The following INSC variants were observed in gnomAD, a reference collection of about 807,000 sequenced individuals.
INSC encodes the protein INSC spindle orientation adaptor protein, also known as protein inscuteable homolog.
INSC carries 67 observed loss-of-function variants against 58.6 expected under a neutral mutation model. The observed-to-expected ratio is 1.14, with a 90% confidence interval of 0.94 to 1.40. The LOEUF (loss-of-function observed/expected upper bound fraction) is 1.40, where lower values mean the gene tolerates loss of function less well. Among genes scored for constraint, INSC ranks in the 40% most tolerant of loss-of-function variants. INSC has a pLI of 0.00. For missense variants in INSC, 714 were observed against 692.0 expected, an observed-to-expected ratio of 1.03 and a Z score of -0.36; for synonymous variants, 262 against 276.1, an observed-to-expected ratio of 0.95 and a Z score of 0.51.
chr11:15,187,830 G>C (rs536328665), intron 5 of INSC, among the ~76,000 whole-genome samples: 1 of 151,934 alleles, frequency 6.6e-6, no homozygotes, highest in Non-Finnish European at 1.5e-5. Flanking sequence ...TATTGAGTGA[G>C]GCATATTTTT....
At chr11:15,254,922 G>A in the INSC span, among the ~76,000 whole-genome samples, 7 of 152,178 alleles carry the variant, frequency 4.6e-5, no homozygotes, top group East Asian at 3.8e-4. Context: ...GAAATAACAC[G>A]TACTATTACC....
chr11:15,158,015 C>T (rs1183242459), intron 2 of INSC, among the ~76,000 whole-genome samples: 2 of 152,108 alleles, frequency 1.3e-5, no homozygotes, highest in Non-Finnish European at 1.5e-5. Flanking sequence ...GAGTCAACTT[C>T]GATTCTTTCC....
rs747732563 is a variant in INSC at position 15,238,914 on chromosome 11, C to A, written c.1238-5C>A. The A allele has an allele frequency of 3.1e-6, 5 of 1,612,994 alleles. No individual in the cohort carries two copies. In the South Asian group the frequency reaches 5.5e-5, roughly 18 times the overall value. The stretch of plus-strand genomic sequence containing the variant: ...GGTACCAACTGTTCCTTGCTTCCTG[C>A]CTAGGGGTCCAGCTTATCATGGGCA... On this transcript the variant is annotated splice_region_variant and splice_polypyrimidine_tract_variant and intron_variant, in intron 10 of 12. Transcript: ENST00000379556.
chr11:15,199,793 G>C (rs1333328717), intron 6 of INSC, among the ~76,000 whole-genome samples: 1 of 152,154 alleles, frequency 6.6e-6, no homozygotes, highest in African/African-American at 2.4e-5. Context: ...TAGGCACCCT[G>C]CCAGCTTTCA....
At chr11:15,254,657 A>G in the INSC span, among the ~76,000 whole-genome samples, 37 of 151,448 alleles carry the variant, frequency 2.4e-4, no homozygotes, top group Admixed American at 8.5e-4. Flanking sequence ...TTAAAATAGC[A>G]CCTAATGGCA....
In INSC at chr11:15,202,111, G is replaced by C. The variant is rs765185874; in HGVS notation, c.819+1162G>C. Among the ~76,000 whole-genome samples the C allele has an allele frequency of 7.2e-5, 11 of 152,184 alleles. 1 individual carries two copies. The highest frequency in any genetic ancestry group is 1.6e-4 in the Non-Finnish European group (11 of 68,020). ...TTACAGATGACAAGGCTATGGGTCA[G>C]AATGGGGAAGTAATTTGCCTAAGGT... On this transcript the variant is annotated intron_variant, in intron 7 of 12. Transcript: ENST00000379556.
chr11:15,178,490 C>T (rs372912915), intron 5 of INSC, 43 bp downstream of exon 5: 51 of 1,587,068 alleles, frequency 3.2e-5, no homozygotes, highest in South Asian at 2.8e-4. Context: ...TTGTGTGGAC[C>T]CTTGGAGGAA....
At chr11:15,203,675 AG>A (rs964106676) in intron 7 of INSC, among the ~76,000 whole-genome samples, 8 of 152,216 alleles carry the variant, frequency 5.3e-5, no homozygotes, top group African/African-American at 1.9e-4. Flanking sequence ...GCACTGTTTT[AG>A]GTGCTGGGAG....
intron 7 of INSC, among the ~76,000 whole-genome samples, chr11:15,202,760 CA>C (rs1279699041): frequency 6.6e-6 from 1 of 152,192 alleles, no homozygotes; most frequent in Non-Finnish European, 1.5e-5. Flanking sequence ...AGGAAGTTTT[CA>C]ATTCAGGGAA....
intron 9 of INSC, among the ~76,000 whole-genome samples, chr11:15,234,555 GAC>G (rs1329400517): frequency 1.3e-5 from 2 of 152,132 alleles, no homozygotes; most frequent in African/African-American, 2.4e-5. Flanking sequence ...GCGGAGGGGG[GAC>G]ACAGTTTTTG....
At chr11:15,142,898 T>C (rs2133730944) in intron 1 of INSC, among the ~76,000 whole-genome samples, 1 of 152,288 alleles carries the variant, frequency 6.6e-6, no homozygotes, top group South Asian at 2.1e-4. Context: ...GCCATGTTGG[T>C]GTAGAGCGCT....
At chr11:15,259,467 TTC>T in the INSC span, among the ~76,000 whole-genome samples, 1 of 152,222 alleles carries the variant, frequency 6.6e-6, no homozygotes, top group Non-Finnish European at 1.5e-5. Context: ...AATAAAATGT[TTC>T]TCTTTTACTC....
At chr11:15,156,090 C>T (rs943108325) in intron 2 of INSC, among the ~76,000 whole-genome samples, 1 of 152,166 alleles carries the variant, frequency 6.6e-6, no homozygotes, top group Non-Finnish European at 1.5e-5. Context: ...AGGATATCTC[C>T]CCACTGTATC....
In INSC at chr11:15,177,097, T is replaced by G; in HGVS notation, c.403-14T>G. The G allele has an allele frequency of 6.2e-7, 1 of 1,612,670 alleles. No homozygotes were observed. Among genetic ancestry groups the G allele is most frequent in the Non-Finnish European group, 8.5e-7 (1 of 1,178,684 alleles). ...GCTTACTGAGTTGAATAAAATGGAC[T>G]TATTTTTCTACAGATTGAGAAGCTG... On this transcript the variant is annotated splice_polypyrimidine_tract_variant and intron_variant, in intron 3 of 12. Transcript: ENST00000379556.
In INSC at chr11:15,177,148, C is replaced by T. The variant is rs369169436; in HGVS notation, c.440C>T (p.Ser147Leu). ...CTAATGGAGAAATGCTCGGAGCTCT[C>T]GGCAGTCACAGAGAGGTAAATTTGG... ...KLLMEKCSEL[S>L]AVTERCLQVE... Residue 147 changes from serine to leucine, a missense_variant, in exon 4 of 13, where the codon TCG becomes TTG. Coordinates refer to ENST00000379556, the MANE Select transcript of INSC (RefSeq NM_001042536.3). The T allele has an allele frequency of 7.1e-5, 115 of 1,613,836 alleles. No homozygotes were observed. The highest frequency in any genetic ancestry group is 1.6e-4 in the Middle Eastern group (1 of 6,084).
chr11:15,175,556 G>T (rs1351278746), intron 2 of INSC, among the ~76,000 whole-genome samples, 185 bp from the exon 3 acceptor site: 2 of 152,176 alleles, frequency 1.3e-5, no homozygotes, highest in African/African-American at 2.4e-5. Context: ...AAAACTTTAT[G>T]CTTCAGACTT....
chr11:15,248,189 A>C (rs1043274739), downstream of INSC, among the ~76,000 whole-genome samples: 1 of 152,244 alleles, frequency 6.6e-6, no homozygotes, highest in Non-Finnish European at 1.5e-5. Context: ...GGCATGTACC[A>C]GGGGTCAGAA....
At chr11:15,180,598 T>C (rs937658101) in intron 5 of INSC, among the ~76,000 whole-genome samples, 8 of 148,160 alleles carry the variant, frequency 5.4e-5, no homozygotes, top group African/African-American at 1.5e-4. Flanking sequence ...ACCTGGTTCA[T>C]TGATGCCTGG....
intron 5 of INSC, among the ~76,000 whole-genome samples, chr11:15,183,989 C>T (rs964893540): frequency 3.9e-5 from 6 of 152,100 alleles, no homozygotes; most frequent in Admixed American, 2.6e-4. Flanking sequence ...ATATACCTTT[C>T]TTTTTCTTTA....
Sources: gnomAD v4.1 joint callset for allele counts (sites outside exome capture counted in the v4.1 genomes callset) on GRCh38, gnomAD v4.1.1 for gene constraint, MANE v1.5 for transcripts, NCBI Gene and HGNC (gene_info 2026-07-23, HGNC 2026-07-21) for gene names.